Variants in MYO16 observed in about 807,000 individuals in gnomAD.
MYO16 encodes the protein unconventional myosin-XVI.
A neutral mutation model predicts 205.3 loss-of-function variants in MYO16; 94 were observed. That is an observed-to-expected ratio of 0.46 (90% CI 0.39 to 0.54). MYO16 has a LOEUF of 0.54. Among genes scored for constraint, MYO16 ranks in the 20% least tolerant of loss-of-function variants. The probability of loss-of-function intolerance (pLI) is 0.00; values close to 1 mark genes in which losing one functional copy is unlikely to be tolerated. For synonymous variants in MYO16, 988 were observed against 954.0 expected, an observed-to-expected ratio of 1.04 and a Z score of -0.66; for missense variants, 2,315 against 2,387.5, an observed-to-expected ratio of 0.97 and a Z score of 0.63.
intron 3 of MYO16, among the ~76,000 whole-genome samples, chr13:108,714,612 G>GTGTGTGTGTGTA (rs1419918356): frequency 2.1e-5 from 3 of 140,824 alleles, no homozygotes; most frequent in Admixed American, 7.4e-5. Flanking sequence ...GTGTGTGTGT[G>GTGTGTGTGTGTA]TATATATATA....
At chr13:109,171,693 T>C (rs1878928459) in intron 33 of MYO16, among the ~76,000 whole-genome samples, 1 of 152,198 alleles carries the variant, frequency 6.6e-6, no homozygotes, top group Non-Finnish European at 1.5e-5. Context: ...TCAAACAAAA[T>C]ATTGTGAACA....
intron 9 of MYO16, among the ~76,000 whole-genome samples, chr13:108,833,563 T>C (rs1380055514): frequency 6.6e-6 from 1 of 152,186 alleles, no homozygotes; most frequent in African/African-American, 2.4e-5. Context: ...TCCTCATGTA[T>C]CTCAATAGAT....
chr13:108,535,569 C>T, the MYO16 span, among the ~76,000 whole-genome samples: 1 of 152,146 alleles, frequency 6.6e-6, no homozygotes, highest in African/African-American at 2.4e-5. Flanking sequence ...TGCCATTTCC[C>T]TTTCAGAGAA....
chr13:109,081,966 G>T (rs916765257), intron 27 of MYO16, among the ~76,000 whole-genome samples: 1 of 152,086 alleles, frequency 6.6e-6, no homozygotes, highest in African/African-American at 2.4e-5. Flanking sequence ...ATTGTTACAC[G>T]TCCATACCCA....
chr13:108,904,167 A>G (rs1880849676), intron 15 of MYO16, among the ~76,000 whole-genome samples: 1 of 152,082 alleles, frequency 6.6e-6, no homozygotes, highest in African/African-American at 2.4e-5. Flanking sequence ...ATAAGTAAGG[A>G]CTTTCTTGTT....
chr13:109,168,208 T>G (rs1326067881), intron 33 of MYO16, among the ~76,000 whole-genome samples: 1 of 151,972 alleles, frequency 6.6e-6, no homozygotes, highest in East Asian at 1.9e-4. Context: ...AAAACACATG[T>G]GAAAATAAAC....
chr13:108,724,653 G>A (rs1290907031), intron 3 of MYO16, among the ~76,000 whole-genome samples: 2 of 152,052 alleles, frequency 1.3e-5, no homozygotes, highest in East Asian at 1.9e-4. Flanking sequence ...CACGGTGCAT[G>A]TTATTTTGGT....
intron 1 of MYO16, among the ~76,000 whole-genome samples, chr13:108,610,577 A>G (rs944649731): frequency 1.3e-5 from 2 of 152,192 alleles, no homozygotes; most frequent in Non-Finnish European, 2.9e-5. Flanking sequence ...AATTGCATGC[A>G]TAGGTGCTGA....
At chr13:108,756,013 GA>G (rs546256717) in intron 4 of MYO16, among the ~76,000 whole-genome samples, 3 of 152,150 alleles carry the variant, frequency 2.0e-5, no homozygotes, top group Non-Finnish European at 4.4e-5. Flanking sequence ...CCTTTACAAG[GA>G]AAATTGTCTT....
intron 16 of MYO16, among the ~76,000 whole-genome samples, chr13:108,953,658 T>A (rs967121147): frequency 6.6e-6 from 1 of 152,124 alleles, no homozygotes; most frequent in East Asian, 1.9e-4. Flanking sequence ...TTTTCCAAGT[T>A]TTTTTGCCCT....
intron 10 of MYO16, among the ~76,000 whole-genome samples, chr13:108,847,665 G>C (rs1261652106): frequency 6.6e-6 from 1 of 151,762 alleles, no homozygotes; most frequent in Non-Finnish European, 1.5e-5. Flanking sequence ...AATACTAAAG[G>C]CTTGATTTGA....
intron 31 of MYO16, among the ~76,000 whole-genome samples, chr13:109,129,333 G>A (rs1566521761): frequency 1.3e-5 from 2 of 152,050 alleles, no homozygotes; most frequent in African/African-American, 4.8e-5. Flanking sequence ...TGGTGATAAG[G>A]ACAACAAGAA....
At chr13:108,627,225 AC>A (rs1408767620), upstream of MYO16, among the ~76,000 whole-genome samples, 2 of 152,080 alleles carry the variant, frequency 1.3e-5, no homozygotes, top group Non-Finnish European at 2.9e-5. Flanking sequence ...ACATAGTTCT[AC>A]CAATGTTTAG....
At position 108,910,079 on chromosome 13, in the gene MYO16, C is replaced by G; in HGVS notation, c.1854C>G (p.Phe618Leu). ...TTGGCCAGAGCAATTTTCTCATTTT[C>G]TACTTGTTGATGGATGGGTTATCTG... ...QPLGQSNFLI[F>L]YLLMDGLSAE... The change falls in exon 16 of 35, where the codon TTC becomes TTG. Residue 618 changes from phenylalanine (F) to leucine (L), a missense_variant. Physicochemically the swap from Phe to Leu is conservative, Grantham distance 22 (BLOSUM62 0). Around this residue, in one of 3 missense-constraint regions of MYO16, gnomAD observed 1,213 missense variants for 1,274.4 expected, o/e 0.95. Coordinates refer to ENST00000457511, the MANE Select transcript of MYO16 (RefSeq NM_001198950.3). 6.2e-7 allele frequency: 1 copy of G among 1,613,372 alleles called. No individual in the cohort carries two copies. The highest frequency in any genetic ancestry group is 8.5e-7 in the Non-Finnish European group (1 of 1,179,498).
chr13:108,578,226 T>A, the MYO16 span, among the ~76,000 whole-genome samples: 1 of 152,186 alleles, frequency 6.6e-6, no homozygotes, highest in Non-Finnish European at 1.5e-5. Flanking sequence ...AATGACCTAG[T>A]AAAGCTGGGA....
intron 32 of MYO16, among the ~76,000 whole-genome samples, chr13:109,150,880 C>T (rs569046363): frequency 1.3e-5 from 2 of 152,370 alleles, no homozygotes; most frequent in South Asian, 4.1e-4. Flanking sequence ...CTAAGCCACT[C>T]AGCAGCTCTC....
At chr13:108,583,425 G>A in the MYO16 span, among the ~76,000 whole-genome samples, 4 of 152,184 alleles carry the variant, frequency 2.6e-5, no homozygotes, top group East Asian at 1.9e-4. Flanking sequence ...TCCCTCATAC[G>A]TGATTCTAAT....
chr13:108,859,345 G>A (rs970953631), intron 11 of MYO16, among the ~76,000 whole-genome samples: 2 of 152,138 alleles, frequency 1.3e-5, no homozygotes, highest in Admixed American at 6.5e-5. Context: ...AATTTTAGAC[G>A]AGAGAAAGAA....
intron 27 of MYO16, among the ~76,000 whole-genome samples, chr13:109,060,553 A>G (rs902090400): frequency 6.6e-6 from 1 of 152,140 alleles, no homozygotes; most frequent in Non-Finnish European, 1.5e-5. Context: ...TAAAACCTAG[A>G]TGACGGGTTG....
Sources: allele counts gnomAD v4.1 joint callset (sites outside exome capture counted in the v4.1 genomes callset), GRCh38; gene constraint gnomAD v4.1.1; regional missense constraint gnomAD v4.1.1; transcripts MANE v1.5; gene names NCBI Gene and HGNC (gene_info 2026-07-23, HGNC 2026-07-21).